CCDC33: variants seen among roughly 807,000 people sequenced by gnomAD.
The protein encoded by CCDC33 is coiled-coil domain-containing protein 33.
CCDC33 carries 94 observed loss-of-function variants against 91.9 expected under a neutral mutation model. The observed-to-expected ratio is 1.02, with a 90% CI of 0.87 to 1.21. The LOEUF is 1.21. CCDC33 is among the 50% of genes most tolerant of loss of function. CCDC33 has a pLI of 0.00. For missense variants in CCDC33, 940 were observed against 935.5 expected (o/e 1.00, Z -0.06); for synonymous variants, 396 against 374.5 (o/e 1.06, Z -0.66).
At chr15:74,291,904 C>T (rs1238490246) in intron 10 of CCDC33, among the ~76,000 whole-genome samples, 1 of 152,208 alleles carries the variant, frequency 6.6e-6, no homozygotes, top group African/African-American at 2.4e-5. Flanking sequence ...GATGTCTTCT[C>T]CCCAACCATG....
intron 2 of CCDC33, among the ~76,000 whole-genome samples, chr15:74,223,678 C>G (rs959484481): frequency 7.7e-6 from 1 of 130,656 alleles, no homozygotes; most frequent in Non-Finnish European, 1.8e-5. Flanking sequence ...AGGTCAGCCC[C>G]GTCCAGGCAG....
In CCDC33 at chr15:74,242,905, C is replaced by T. The variant is rs149015130; in HGVS notation, c.22-1080C>T. Among the ~76,000 whole-genome samples the T allele has an allele frequency of 2.7e-4, 41 of 152,310 alleles. No homozygotes were observed. In the East Asian group the frequency reaches 7.9e-3, roughly 29 times the overall value. ...TCTGCCCCTTCCCGCTTGCTGCCTT[C>T]GCTCCAGTGTTCTGCTCCTGGCCTG... is the stretch of plus-strand genomic sequence containing the variant. On this transcript the variant is annotated intron_variant, in intron 1 of 18. Transcript: ENST00000398814.
chr15:74,314,698 T>C (rs1373419274), intron 11 of CCDC33, among the ~76,000 whole-genome samples: 3 of 152,116 alleles, frequency 2.0e-5, no homozygotes, highest in African/African-American at 7.2e-5. Flanking sequence ...GGGTGGGGAT[T>C]TGGGGGTTAG....
chr15:74,329,908 C>T (rs1301448822), intron 11 of CCDC33, among the ~76,000 whole-genome samples: 2 of 152,222 alleles, frequency 1.3e-5, no homozygotes, highest in Admixed American at 1.3e-4. Flanking sequence ...GGCCTCCTCC[C>T]CTGTGTCCAC....
At chr15:74,296,551 G>A (rs1489598611) in intron 11 of CCDC33, among the ~76,000 whole-genome samples, 1 of 152,146 alleles carries the variant, frequency 6.6e-6, no homozygotes, top group Non-Finnish European at 1.5e-5. Flanking sequence ...ACTTGAACCT[G>A]GGAGGTGGAG....
intron 11 of CCDC33, chr15:74,301,106 G>A (rs1414102951): frequency 6.6e-6 from 1 of 152,200 alleles, no homozygotes; most frequent in Non-Finnish European, 1.5e-5. Flanking sequence ...AGTGTGAAGA[G>A]TGAGGTGTTA....
At chr15:74,267,025 G>T (rs933490325) in intron 4 of CCDC33, among the ~76,000 whole-genome samples, 1 of 152,146 alleles carries the variant, frequency 6.6e-6, no homozygotes, top group African/African-American at 2.4e-5. Context: ...TAGGACAACT[G>T]CCACATTAAA....
chr15:74,270,040 C>T (rs1364516203), intron 5 of CCDC33, among the ~76,000 whole-genome samples: 1 of 152,162 alleles, frequency 6.6e-6, no homozygotes. Context: ...GACCCCAGAC[C>T]CATCCAAAGT....
Position 74,262,508 on chromosome 15 carries a change from C to T in CCDC33, c.254C>T (p.Thr85Ile). 1 of 1,614,022 alleles carries T rather than the reference C, an allele frequency of 6.2e-7. No homozygotes were observed. The change falls in exon 3 of 19, where the codon ACC (threonine) becomes ATC (isoleucine). Residue 85 changes from threonine to isoleucine, a missense_variant. Physicochemically the swap from Thr to Ile is moderately conservative, Grantham distance 89. Transcript: ENST00000398814. Reference protein sequence around the residue: ...KAVTSVTSEPTRAPIWGDTVN... With the variant: ...KAVTSVTSEPIRAPIWGDTVN... ...GTCACATCTGTGACCTCAGAGCCCA[C>T]CAGAGCCCCTATCTGGGGGGACACG... is the stretch of plus-strand genomic sequence containing the variant.
intron 2 of CCDC33, among the ~76,000 whole-genome samples, chr15:74,257,335 G>T (rs2075898261): frequency 6.6e-6 from 1 of 152,238 alleles, no homozygotes; most frequent in Admixed American, 6.5e-5. Flanking sequence ...CGGCAGCACA[G>T]ACTGGGGGCC....
chr15:74,280,423 G>T (rs567709863), intron 8 of CCDC33, among the ~76,000 whole-genome samples: 3 of 152,222 alleles, frequency 2.0e-5, no homozygotes, highest in Non-Finnish European at 4.4e-5. Flanking sequence ...TCTGCACTGT[G>T]GGATTGAAGC....
chr15:74,328,306 T>G (rs2060351891), intron 11 of CCDC33, among the ~76,000 whole-genome samples: 1 of 151,996 alleles, frequency 6.6e-6, no homozygotes. Flanking sequence ...TAGAAATGGG[T>G]GTGGAGGAGA....
intron 2 of CCDC33, among the ~76,000 whole-genome samples, chr15:74,248,024 C>T (rs755714823): frequency 1.3e-4 from 19 of 151,872 alleles, no homozygotes; most frequent in Non-Finnish European, 2.6e-4. Context: ...TTGCGCTGAG[C>T]CGAGACTGTG....
In CCDC33 at chr15:74,217,411, T is replaced by G. The variant is rs778903131; in HGVS notation, c.140T>G (p.Leu47Arg). The change falls in exon 1 of 3, where the codon CTG (leucine) becomes CGG (arginine). Residue 47 changes from leucine (L) to arginine (R), a missense_variant. Leu to Arg is a moderately radical substitution (Grantham distance 102, BLOSUM62 -2). Transcript: ENST00000635913. ...GAGGCGGGTAGATACGCCCTGAGACTGTCAGCAGAGAACCCCCTGCAGGTG... is the reference window on the plus strand; with the variant it reads ...GAGGCGGGTAGATACGCCCTGAGACGGTCAGCAGAGAACCCCCTGCAGGTG... 5.0e-4 allele frequency: 647 copies of G among 1,289,676 alleles called. 1 individual carries two copies. Among genetic ancestry groups the G allele is most frequent in the Admixed American group, 7.8e-4 (34 of 43,538 alleles). 79.9% of individuals were successfully genotyped at this position (1,289,676 alleles called of 1,614,324 possible). A position where few individuals can be genotyped will look rare whatever the true frequency, so the allele number is the denominator to read the frequency against.
chr15:74,258,752 C>T (rs528698293), intron 2 of CCDC33, among the ~76,000 whole-genome samples: 56 of 152,298 alleles, frequency 3.7e-4, no homozygotes, highest in African/African-American at 1.3e-3. Context: ...CCATCAAATC[C>T]CATGCTTTTC....
At chr15:74,262,126 G>A (rs969556995) in intron 2 of CCDC33, among the ~76,000 whole-genome samples, 5 of 152,076 alleles carry the variant, frequency 3.3e-5, no homozygotes, top group African/African-American at 1.2e-4. Context: ...GCCCTCCCTG[G>A]CAAGGGCTAG....
chr15:74,250,647 G>A (rs577146849), intron 2 of CCDC33, among the ~76,000 whole-genome samples: 3 of 152,218 alleles, frequency 2.0e-5, no homozygotes, highest in South Asian at 2.1e-4. Flanking sequence ...TCCCCATCCC[G>A]CCTCCACTGT....
In CCDC33 at chr15:74,268,461, A is replaced by G; in HGVS notation, c.546+3A>G. ...GCTGCAACCACATGGCTCTGGAGGT[A>G]CCAGGGCTGGGGCCCTCTGGGGTGG... On this transcript the variant is annotated splice_donor_region_variant and intron_variant, in intron 5 of 18. Coordinates refer to ENST00000398814, the MANE Select transcript of CCDC33 (RefSeq NM_025055.5). 7.2e-7 allele frequency: 1 copy of G among 1,396,832 alleles called. No individual in the cohort carries two copies. Among genetic ancestry groups the G allele is most frequent in the East Asian group, 3.1e-5 (1 of 32,662 alleles). The allele number at this position is 1,396,832 out of a possible 1,614,324, so 86.5% of individuals were successfully genotyped here. A position where few individuals can be genotyped will look rare whatever the true frequency, so the allele number is the denominator to read the frequency against.
At chr15:74,301,239 G>C (rs1409869530) in intron 11 of CCDC33, 2 of 152,244 alleles carry the variant, frequency 1.3e-5, no homozygotes, top group Non-Finnish European at 2.9e-5. Context: ...GACGCCAGGA[G>C]GGGAGCAGGT....
Sources: gnomAD v4.1 joint callset for allele counts (sites outside exome capture counted in the v4.1 genomes callset) on GRCh38, gnomAD v4.1.1 for gene constraint, MANE v1.5 for transcripts, NCBI Gene and HGNC (gene_info 2026-07-23, HGNC 2026-07-21) for gene names.